The following PTPRM variants were observed in gnomAD, a reference collection of about 807,000 sequenced individuals.
The protein encoded by PTPRM is protein tyrosine phosphatase receptor type M.
A neutral mutation model predicts 186.7 loss-of-function variants in PTPRM; 47 were observed. The observed-to-expected ratio is 0.25, with a 90% CI of 0.20 to 0.32. PTPRM has a LOEUF of 0.32. Among genes scored for constraint, PTPRM ranks in the 10% least tolerant of loss-of-function variants. The pLI is 1.00. For missense variants in PTPRM, 1,494 were observed against 1,865.0 expected (o/e 0.80, Z 3.66); for synonymous variants, 668 against 674.9 (o/e 0.99, Z 0.16).
At chr18:8,361,911 C>T (rs1043414876) in intron 23 of PTPRM, among the ~76,000 whole-genome samples, 1 of 152,174 alleles carries the variant, frequency 6.6e-6, no homozygotes, top group Non-Finnish European at 1.5e-5. Flanking sequence ...AAAATGTTAT[C>T]CTTCTATCTA....
chr18:7,800,503 A>C (rs559546792), intron 2 of PTPRM, among the ~76,000 whole-genome samples: 1 of 152,348 alleles, frequency 6.6e-6, no homozygotes, highest in South Asian at 2.1e-4. Flanking sequence ...CATCACATGC[A>C]ATACAAAATA....
chr18:8,198,100 T>C (rs1007702920), intron 14 of PTPRM, among the ~76,000 whole-genome samples: 1 of 152,204 alleles, frequency 6.6e-6, no homozygotes, highest in African/African-American at 2.4e-5. Context: ...TTTGCTAGGC[T>C]ATGAACTAGA....
intron 7 of PTPRM, among the ~76,000 whole-genome samples, chr18:7,983,859 G>A (rs1399108877): frequency 6.6e-6 from 1 of 152,092 alleles, no homozygotes; most frequent in Non-Finnish European, 1.5e-5. Context: ...GTAAAATAAA[G>A]TAACAAAGCT....
intron 19 of PTPRM, among the ~76,000 whole-genome samples, chr18:8,292,369 C>G (rs2095051991): frequency 6.6e-6 from 1 of 152,182 alleles, no homozygotes; most frequent in Non-Finnish European, 1.5e-5. Flanking sequence ...TCTAGAAAGC[C>G]TTTCCCTTTT....
At chr18:8,189,379 A>G (rs950849945) in intron 14 of PTPRM, among the ~76,000 whole-genome samples, 4 of 151,756 alleles carry the variant, frequency 2.6e-5, no homozygotes, top group African/African-American at 9.7e-5. Flanking sequence ...GGGTTCTGCT[A>G]CTTCTGAGTG....
chr18:7,987,825 T>C (rs2083045538), intron 7 of PTPRM, among the ~76,000 whole-genome samples: 1 of 152,166 alleles, frequency 6.6e-6, no homozygotes, highest in African/African-American at 2.4e-5. Context: ...TTTTGAAATT[T>C]TAAGTAAACA....
At chr18:8,350,187 C>T (rs1444404531) in intron 23 of PTPRM, among the ~76,000 whole-genome samples, 1 of 152,180 alleles carries the variant, frequency 6.6e-6, no homozygotes, top group African/African-American at 2.4e-5. Flanking sequence ...AGATCTTGAG[C>T]CCATTTCGGC....
intron 14 of PTPRM, among the ~76,000 whole-genome samples, chr18:8,203,311 G>T (rs889060216): frequency 6.6e-6 from 1 of 152,098 alleles, no homozygotes; most frequent in African/African-American, 2.4e-5. Context: ...AAACTACTAC[G>T]GACTGAATTT....
chr18:8,281,380 G>A (rs1041986834), intron 19 of PTPRM, among the ~76,000 whole-genome samples: 2 of 152,158 alleles, frequency 1.3e-5, no homozygotes, highest in Non-Finnish European at 2.9e-5. Flanking sequence ...TCCACCTACA[G>A]CAGGATGCTT....
chr18:7,697,886 G>GA (rs1198861820), intron 1 of PTPRM, among the ~76,000 whole-genome samples: 2 of 152,174 alleles, frequency 1.3e-5, no homozygotes, highest in African/African-American at 2.4e-5. Context: ...GTGTTCTCCA[G>GA]AAAATGCTCC....
At chr18:7,885,587 G>A (rs149350051) in intron 2 of PTPRM, among the ~76,000 whole-genome samples, 2 of 152,282 alleles carry the variant, frequency 1.3e-5, no homozygotes, top group African/African-American at 2.4e-5. Context: ...CCCCTGTCTA[G>A]TAATCCTCTA....
chr18:7,724,472 C>T (rs528675554), intron 1 of PTPRM, among the ~76,000 whole-genome samples: 2 of 152,210 alleles, frequency 1.3e-5, no homozygotes, highest in South Asian at 2.1e-4. Flanking sequence ...AAAAAGAAGG[C>T]GGATTCATTT....
At chr18:8,215,146 C>G (rs984263309) in intron 14 of PTPRM, among the ~76,000 whole-genome samples, 6 of 152,152 alleles carry the variant, frequency 3.9e-5, no homozygotes, top group African/African-American at 1.4e-4. Flanking sequence ...TGAGGGACAA[C>G]ATTGGGAAGC....
intron 19 of PTPRM, among the ~76,000 whole-genome samples, chr18:8,281,140 A>G (rs753792580): frequency 6.6e-6 from 1 of 152,224 alleles, no homozygotes; most frequent in Non-Finnish European, 1.5e-5. Flanking sequence ...CAGCAACTGG[A>G]ACGCAGCGGG....
intron 2 of PTPRM, among the ~76,000 whole-genome samples, chr18:7,823,985 C>T (rs1053231612): frequency 1.3e-5 from 2 of 152,212 alleles, no homozygotes; most frequent in Admixed American, 6.5e-5. Context: ...CTGGATGGAT[C>T]TGTCTTTATT....
At chr18:8,007,372 C>A (rs1397868688) in intron 7 of PTPRM, among the ~76,000 whole-genome samples, 1 of 152,020 alleles carries the variant, frequency 6.6e-6, no homozygotes, top group African/African-American at 2.4e-5. Flanking sequence ...CAGATTGTGT[C>A]CCTTCCAAAA....
intron 2 of PTPRM, among the ~76,000 whole-genome samples, chr18:7,864,347 T>C (rs948380708): frequency 4.6e-5 from 7 of 152,256 alleles, no homozygotes; most frequent in African/African-American, 1.7e-4. Flanking sequence ...GTTTAAGTTT[T>C]TAATCCATTT....
chr18:7,765,232 C>A (rs1464735320), intron 1 of PTPRM, among the ~76,000 whole-genome samples: 1 of 152,112 alleles, frequency 6.6e-6, no homozygotes, highest in Non-Finnish European at 1.5e-5. Flanking sequence ...TGTAATAAAT[C>A]ATAGAAACTT....
intron 2 of PTPRM, among the ~76,000 whole-genome samples, chr18:7,795,470 G>GAA (rs35135572): frequency 1.0e-3 from 136 of 129,530 alleles, no homozygotes; most frequent in African/African-American, 3.4e-3. Flanking sequence ...GCTTGTTCTG[G>GAA]AAAAAAAAAA....
Sources: gnomAD v4.1 joint callset for allele counts (sites outside exome capture counted in the v4.1 genomes callset) on GRCh38, gnomAD v4.1.1 for gene constraint, MANE v1.5 for transcripts, NCBI Gene and HGNC (gene_info 2026-07-23, HGNC 2026-07-21) for gene names.